Variants in CEBPZOS observed in about 807,000 individuals in gnomAD.
The protein encoded by CEBPZOS is protein CEBPZOS.
Under a neutral mutation model 4.8 loss-of-function variants are expected in CEBPZOS, and 10 were observed. That is an observed-to-expected ratio of 2.07 (90% confidence interval 1.28 to 3.52). The LOEUF (loss-of-function observed/expected upper bound fraction) is 3.52. Among genes scored for constraint, CEBPZOS ranks in the 30% most tolerant of loss-of-function variants. CEBPZOS has a pLI of 0.00. For missense variants in CEBPZOS, 98 were observed against 43.6 expected (o/e 2.25, Z -3.51); for synonymous variants, 25 against 14.2 (o/e 1.77, Z -1.72).
chr2:37,205,458 C>T (rs984278636), downstream of CEBPZOS, among the ~76,000 whole-genome samples: 2 of 152,102 alleles, frequency 1.3e-5, no homozygotes, highest in Non-Finnish European at 2.9e-5. Context: ...AGGCAGAGAA[C>T]AACCCCCTTT....
chr2:37,199,639 G>C lies in CEBPZOS; in HGVS notation c.-1-65G>C, dbSNP rs1201413319. 7 of 681,018 alleles carry C rather than the reference G, an allele frequency of 1.0e-5. No individual in the cohort carries two copies. The African/African-American group carries it at 1.1e-4, about 10-fold the overall frequency. The allele number at this position is 681,018 out of a possible 1,614,324, so 42.2% of individuals were successfully genotyped here. A position where few individuals can be genotyped will look rare whatever the true frequency, so the allele number is the denominator to read the frequency against. ...CTGTGGGAATGAATTTGAGTTATTAGAGAAATGATAATAGTAGTTTAAGTA... is the reference window on the plus strand; with the variant it reads ...CTGTGGGAATGAATTTGAGTTATTACAGAAATGATAATAGTAGTTTAAGTA... On this transcript the variant is annotated intron_variant, in intron 1 of 4. Coordinates refer to ENST00000402297, the MANE Select transcript of CEBPZOS (RefSeq NM_001322374.2).
intron 1 of CEBPZOS, among the ~76,000 whole-genome samples, chr2:37,197,915 C>A (rs1320276133): frequency 1.3e-5 from 2 of 151,902 alleles, no homozygotes; most frequent in African/African-American, 4.8e-5. Flanking sequence ...AATCCTAGCA[C>A]TTTGGGAGGC....
chr2:37,211,727 G>T, intron 4 of CEBPZOS: 3 of 709,446 alleles, frequency 4.2e-6, no homozygotes, highest in Non-Finnish European at 6.6e-6. Context: ...GTTTCTGGCT[G>T]ACATGAGTAT....
chr2:37,211,661 A>G (rs1034478885), intron 4 of CEBPZOS: 10 of 528,544 alleles, frequency 1.9e-5, no homozygotes, highest in Admixed American at 1.9e-4. Context: ...GAAAACACAC[A>G]TAACACACAA....
chr2:37,212,865 A>ACC (rs1677768885), intron 4 of CEBPZOS, among the ~76,000 whole-genome samples: 1 of 134,320 alleles, frequency 7.4e-6, no homozygotes, highest in Non-Finnish European at 1.6e-5. Flanking sequence ...AAACAACAAC[A>ACC]ACAAAAAAAA....
chr2:37,206,304 C>T (rs1485904203), downstream of CEBPZOS, among the ~76,000 whole-genome samples: 2 of 152,224 alleles, frequency 1.3e-5, no homozygotes, highest in African/African-American at 4.8e-5. Context: ...GCTGAGAATT[C>T]ACCACTACCA....
At chr2:37,215,935 T>G (rs115271100), downstream of CEBPZOS, among the ~76,000 whole-genome samples, 968 of 148,590 alleles carry the variant, frequency 6.5e-3, 13 homozygotes, top group African/African-American at 0.023. Context: ...ATGTTTCAAA[T>G]TTGCTGTAAT....
intron 4 of CEBPZOS, among the ~76,000 whole-genome samples, chr2:37,213,058 A>C (rs572470319): frequency 6.0e-4 from 91 of 152,134 alleles, no homozygotes; most frequent in African/African-American, 2.0e-3. Flanking sequence ...ACAAACAAAC[A>C]AACCCCCCAA....
At position 37,197,598 on chromosome 2, in the gene CEBPZOS, G is replaced by C. The variant is rs188212407; in HGVS notation, c.-2+1078G>C. On this transcript the variant is annotated intron_variant, in intron 1 of 4. Coordinates refer to ENST00000402297, the MANE Select transcript of CEBPZOS (RefSeq NM_001322374.2). Reference sequence around the variant, plus strand: ...TAAAAATAACCCCAAGAGGCCGGGCGTGGCGGCACACGCCTGTAATACCAG... The same window carrying C: ...TAAAAATAACCCCAAGAGGCCGGGCCTGGCGGCACACGCCTGTAATACCAG... Among the ~76,000 whole-genome samples, 42 of 152,302 alleles carry C rather than the reference G, an allele frequency of 2.8e-4. No individual in the cohort carries two copies. The East Asian group carries it at 7.7e-3, about 28-fold the overall frequency.
Position 37,198,799 on chromosome 2 carries a change from T to G in CEBPZOS, c.-1-905T>G, listed in dbSNP as rs1293493601. The stretch of plus-strand genomic sequence containing the variant: ...TCTAACCGGTCTGTAGTTTTGCCAC[T>G]TAACTGGTTCATCACCCAATCAGTT... On this transcript the variant is annotated intron_variant, in intron 1 of 4. Coordinates refer to ENST00000402297, the MANE Select transcript of CEBPZOS (RefSeq NM_001322374.2). The G allele has an allele frequency of 2.0e-5, 3 of 152,234 alleles. No individual in the cohort carries two copies. The South Asian group carries it at 6.2e-4, about 31-fold the overall frequency. 9.4% of individuals were successfully genotyped at this position (152,234 alleles called of 1,614,324 possible).
chr2:37,213,769 T>G (rs1186638105), downstream of CEBPZOS: 4 of 804,106 alleles, frequency 5.0e-6, no homozygotes, highest in Admixed American at 1.2e-4. Flanking sequence ...GCTAAGTGAT[T>G]TTTTAAAACT....
intron 2 of CEBPZOS, among the ~76,000 whole-genome samples, chr2:37,200,661 G>GAA (rs59736571): frequency 6.8e-6 from 1 of 147,560 alleles, no homozygotes. Context: ...TGTATCTTAA[G>GAA]AAAAAAAAAA....
At chr2:37,199,155 T>C (rs1330670852) in intron 1 of CEBPZOS, among the ~76,000 whole-genome samples, 1 of 152,144 alleles carries the variant, frequency 6.6e-6, no homozygotes, top group South Asian at 2.1e-4. Context: ...ATTAATAGTT[T>C]AGTATATGTT....
At chr2:37,210,292 A>C (rs1677679969) in intron 4 of CEBPZOS, 1 of 152,214 alleles carries the variant, frequency 6.6e-6, no homozygotes, top group African/African-American at 2.4e-5. Flanking sequence ...CCCAGAGGAA[A>C]ATAAGTCATT....
downstream of CEBPZOS, chr2:37,215,420 GA>G (rs1321879420): frequency 6.6e-6 from 1 of 152,292 alleles, no homozygotes; most frequent in African/African-American, 2.4e-5. Flanking sequence ...AAGAAATAAG[GA>G]ACTACAAGAA....
chr2:37,198,161 AAAAAT>A (rs1370249058), intron 1 of CEBPZOS, among the ~76,000 whole-genome samples: 2 of 151,552 alleles, frequency 1.3e-5, no homozygotes, highest in African/African-American at 2.4e-5. Context: ...CCGTGTCTCC[AAAAAT>A]AAAATAAAAA....
intron 2 of CEBPZOS, among the ~76,000 whole-genome samples, chr2:37,200,417 G>A (rs1342491784): frequency 6.6e-6 from 1 of 152,078 alleles, no homozygotes; most frequent in East Asian, 1.9e-4. Flanking sequence ...ATACTTGGTT[G>A]GAACGCTGTA....
chr2:37,208,213 T>C (rs1677603518), downstream of CEBPZOS, among the ~76,000 whole-genome samples: 1 of 152,132 alleles, frequency 6.6e-6, no homozygotes, highest in Non-Finnish European at 1.5e-5. Flanking sequence ...CTGAATTCTA[T>C]CAGACATTCA....
chr2:37,207,909 A>C (rs1319344489), downstream of CEBPZOS, among the ~76,000 whole-genome samples: 1 of 152,180 alleles, frequency 6.6e-6, no homozygotes, highest in Non-Finnish European at 1.5e-5. Context: ...TAGCAAGATT[A>C]ACCAAAAAAA....
Sources: allele counts gnomAD v4.1 joint callset (sites outside exome capture counted in the v4.1 genomes callset), GRCh38; gene constraint gnomAD v4.1.1; transcripts MANE v1.5; gene names NCBI Gene and HGNC (gene_info 2026-07-23, HGNC 2026-07-21).